The following DNM2 variants were observed in gnomAD, a reference collection of about 807,000 sequenced individuals.
DNM2 encodes dynamin 2, also known as dynamin-2.
DNM2 carries 15 observed loss-of-function variants against 99.0 expected under a neutral mutation model. That is an observed-to-expected ratio of 0.15 (90% CI 0.10 to 0.23). DNM2 has a LOEUF of 0.23. Among genes scored for constraint, DNM2 ranks in the 10% least tolerant of loss-of-function variants. DNM2 has a pLI of 1.00. For missense variants in DNM2, 742 were observed against 1,189.4 expected (o/e 0.62, Z 5.53); for synonymous variants, 525 against 481.2 (o/e 1.09, Z -1.19).
At chr19:10,801,750 C>A (rs765664953) in intron 11 of DNM2, among the ~76,000 whole-genome samples, 51 of 150,720 alleles carry the variant, frequency 3.4e-4, no homozygotes, top group Admixed American at 9.3e-4. Context: ...ACTAAAAATA[C>A]AAAAATTAGC....
At chr19:10,754,453 G>A (rs573936167) in intron 1 of DNM2, among the ~76,000 whole-genome samples, 27 of 152,030 alleles carry the variant, frequency 1.8e-4, no homozygotes, top group African/African-American at 4.6e-4. Flanking sequence ...GGGTTTTACC[G>A]TGTTGGCCAG....
Position 10,817,438 on chromosome 19 carries a change from T to C in DNM2, c.1672-2542T>C, listed in dbSNP as rs2072789657. On this transcript the variant is annotated intron_variant, in intron 15 of 20. Transcript: ENST00000389253. This position sits in a 1 kb window ranked among gnomAD's most constrained non-coding sequence, Gnocchi z 4.6. The stretch of plus-strand genomic sequence containing the variant: ...TCACCCAAGCCCAGCCTAACCAATG[T>C]GCAGACTACTGTACACATTGAGAGC... The C allele has an allele frequency of 3.9e-6, 2 of 514,444 alleles. No homozygotes were observed. Among genetic ancestry groups the C allele is most frequent in the South Asian group, 1.5e-5 (1 of 68,508 alleles). The allele number at this position is 514,444 out of a possible 1,614,324, so 31.9% of individuals were successfully genotyped here. A position where few individuals can be genotyped will look rare whatever the true frequency, so the allele number is the denominator to read the frequency against.
chr19:10,765,080 C>T lies in DNM2; in HGVS notation c.235+5269C>T, dbSNP rs1320891357. Among the ~76,000 whole-genome samples, 1 of 151,936 alleles carries T rather than the reference C, an allele frequency of 6.6e-6. No homozygotes were observed. The highest frequency in any genetic ancestry group is 1.5e-5 in the Non-Finnish European group (1 of 68,002). Reference sequence around the variant, plus strand: ...TCACACCATGCTCCTGTCTCAGCCTCCGGCGTAGCTGGGACTACAGGCGCC... The same window carrying T: ...TCACACCATGCTCCTGTCTCAGCCTTCGGCGTAGCTGGGACTACAGGCGCC... On this transcript the variant is annotated intron_variant, in intron 2 of 20. Coordinates refer to ENST00000389253, the MANE Select transcript of DNM2 (RefSeq NM_001005361.3). The surrounding 1 kb of genome is among the most constrained non-coding windows in gnomAD (Gnocchi z 4.4).
At chr19:10,737,685 A>G (rs57667786) in intron 1 of DNM2, among the ~76,000 whole-genome samples, 4 of 152,018 alleles carry the variant, frequency 2.6e-5, no homozygotes, top group African/African-American at 7.2e-5. Context: ...AGGTTTCACT[A>G]TGTTGGCCAG....
chr19:10,784,265 A>G (rs2071478681), intron 6 of DNM2, among the ~76,000 whole-genome samples: 2 of 152,242 alleles, frequency 1.3e-5, no homozygotes, highest in Admixed American at 1.3e-4. Flanking sequence ...CTGACACCCA[A>G]CAAACCGCCA....
chr19:10,826,310 AGGAAAGT>A (rs1042381414), intron 18 of DNM2, among the ~76,000 whole-genome samples: 1 of 152,204 alleles, frequency 6.6e-6, no homozygotes, highest in Non-Finnish European at 1.5e-5. Context: ...CAAGTTCCTT[AGGAAAGT>A]GGGAAGTGGG....
intron 1 of DNM2, among the ~76,000 whole-genome samples, chr19:10,730,910 C>T (rs936424095): frequency 1.4e-4 from 21 of 152,194 alleles, no homozygotes; most frequent in Non-Finnish European, 2.2e-4. Context: ...AATCTGAACA[C>T]GCTCCCATGG....
rs116300551 is a variant in DNM2 at position 10,767,176 on chromosome 19, A to G, written c.236-5303A>G. 3.6e-3 allele frequency among the ~76,000 whole-genome samples: 538 copies of G among 151,208 alleles called. 3 individuals are homozygous for G. The highest frequency in any genetic ancestry group is 0.012 in the African/African-American group (504 of 41,190). On this transcript the variant is annotated intron_variant, in intron 2 of 20. Coordinates refer to ENST00000389253, the MANE Select transcript of DNM2 (RefSeq NM_001005361.3). ...CTGTGGACAAGTTGACAGGGAACTC[A>G]GTGTTAAGGCCTCTGGCTGATTCTT...
chr19:10,773,042 T>A (rs1262977624), intron 3 of DNM2, among the ~76,000 whole-genome samples: 1 of 148,816 alleles, frequency 6.7e-6, no homozygotes, highest in Non-Finnish European at 1.5e-5. Flanking sequence ...TTCAGTGGTG[T>A]GATCTCTGCT....
At chr19:10,726,225 A>ACAAACAAAC (rs2069111368) in intron 1 of DNM2, among the ~76,000 whole-genome samples, 1 of 115,184 alleles carries the variant, frequency 8.7e-6, no homozygotes, top group Non-Finnish European at 1.7e-5. Context: ...CCTCAAAAAA[A>ACAAACAAAC]AAAAATTTTT....
In DNM2 at chr19:10,775,494, T is replaced by C. The variant is rs150014828; in HGVS notation, c.386-209T>C. On this transcript the variant is annotated intron_variant, in intron 3 of 20. Coordinates refer to ENST00000389253, the MANE Select transcript of DNM2 (RefSeq NM_001005361.3). This position sits in a 1 kb window ranked among gnomAD's most constrained non-coding sequence, Gnocchi z 4.3. ...ACTGTCCTGATTTAGAACTGTGCCATTGAAATGGAGTAGGTAGAAGGTATC... is the reference window on the plus strand; with the variant it reads ...ACTGTCCTGATTTAGAACTGTGCCACTGAAATGGAGTAGGTAGAAGGTATC... Among the ~76,000 whole-genome samples the C allele has an allele frequency of 1.4e-4, 22 of 152,256 alleles. No homozygotes were observed. The East Asian group carries it at 4.2e-3, about 29-fold the overall frequency.
chr19:10,736,233 C>T (rs1407948860), intron 1 of DNM2, among the ~76,000 whole-genome samples: 1 of 150,882 alleles, frequency 6.6e-6, no homozygotes, highest in African/African-American at 2.4e-5. Context: ...CTATTGCACT[C>T]CAGCCTGGGC....
At chr19:10,813,109 C>G (rs777955850) in intron 15 of DNM2, among the ~76,000 whole-genome samples, 3 of 152,200 alleles carry the variant, frequency 2.0e-5, no homozygotes, top group Admixed American at 6.5e-5. Context: ...GTTTTTCTAT[C>G]TGCGAAGTGG....
In DNM2 at chr19:10,765,180, G is replaced by C. The variant is rs549733353; in HGVS notation, c.235+5369G>C. Among the ~76,000 whole-genome samples the C allele has an allele frequency of 1.3e-3, 192 of 152,052 alleles. No homozygotes were observed. Among genetic ancestry groups the C allele is most frequent in the Middle Eastern group, 6.8e-3 (2 of 294 alleles). Reference sequence around the variant, plus strand: ...TCACCGTGTTAGCCAGGATGGTCTCGATCTCCTGACCTCGTGATCCGCCCA... The same window carrying C: ...TCACCGTGTTAGCCAGGATGGTCTCCATCTCCTGACCTCGTGATCCGCCCA... On this transcript the variant is annotated intron_variant, in intron 2 of 20. Coordinates refer to ENST00000389253, the MANE Select transcript of DNM2 (RefSeq NM_001005361.3). This position sits in a 1 kb window ranked among gnomAD's most constrained non-coding sequence, Gnocchi z 4.4.
intron 5 of DNM2, among the ~76,000 whole-genome samples, chr19:10,778,468 A>G (rs1180707083): frequency 6.6e-6 from 1 of 152,072 alleles, no homozygotes; most frequent in Non-Finnish European, 1.5e-5. Flanking sequence ...CCTGGGCAAC[A>G]TATCAAGTCC....
intron 1 of DNM2, among the ~76,000 whole-genome samples, chr19:10,737,894 T>C (rs1472841803): frequency 6.6e-6 from 1 of 152,146 alleles, no homozygotes; most frequent in Non-Finnish European, 1.5e-5. Context: ...TGGCATGCGA[T>C]AGGTAATCGG....
At chr19:10,740,704 T>G (rs1315376781) in intron 1 of DNM2, among the ~76,000 whole-genome samples, 1 of 152,218 alleles carries the variant, frequency 6.6e-6, no homozygotes, top group African/African-American at 2.4e-5. Flanking sequence ...TAAATACAGT[T>G]GCTTACATCT....
At chr19:10,803,045 G>C (rs1229674441) in intron 12 of DNM2, among the ~76,000 whole-genome samples, 1 of 152,150 alleles carries the variant, frequency 6.6e-6, no homozygotes, top group Non-Finnish European at 1.5e-5. Flanking sequence ...CTGTGATAGA[G>C]CAGTGGGCAA....
Position 10,808,577 on chromosome 19 carries a change from C to T in DNM2, c.1554C>T (p.Ile518=), listed in dbSNP as rs1392112344. The part of the protein sequence containing the change: ...KKRAIPNQGE[I]LVIRRGWLTI... ...ACTTTGCATATTCAAAGGGGGAGAT[C>T]CTGGTAAGTACATGCTTAGTGTGGT... The change falls in exon 14 of 21, where the codon ATC becomes ATT. Residue 518 remains isoleucine (I), a synonymous_variant. Transcript: ENST00000389253. 2.5e-6 allele frequency: 4 copies of T among 1,612,280 alleles called. No individual in the cohort carries two copies. Among genetic ancestry groups the T allele is most frequent in the Admixed American group, 3.3e-5 (2 of 59,800 alleles).
Sources: gnomAD v4.1 joint callset for allele counts (sites outside exome capture counted in the v4.1 genomes callset) on GRCh38, gnomAD v4.1.1 for gene constraint, Gnocchi (gnomAD v3.1) non-coding constraint, MANE v1.5 for transcripts, NCBI Gene and HGNC (gene_info 2026-07-23, HGNC 2026-07-21) for gene names.